The following DYNC1LI1 variants were observed in gnomAD, a reference collection of about 807,000 sequenced individuals.
The protein encoded by DYNC1LI1 is dynein cytoplasmic 1 light intermediate chain 1, also known as cytoplasmic dynein 1 light intermediate chain 1.
Under a neutral mutation model 63.8 loss-of-function variants are expected in DYNC1LI1, and 19 were observed. The ratio of observed to expected loss-of-function variants is 0.30; its 90% confidence interval spans 0.21 to 0.44. The LOEUF (loss-of-function observed/expected upper bound fraction) is 0.44. DYNC1LI1 is among the 20% of genes least tolerant of loss of function. The pLI is 1.00. For missense variants in DYNC1LI1, 565 were observed against 630.2 expected (o/e 0.90, Z 1.11); for synonymous variants, 225 against 232.3 (o/e 0.97, Z 0.28).
intron 4 of DYNC1LI1, among the ~76,000 whole-genome samples, chr3:32,541,677 A>G (rs1697884128): frequency 6.6e-6 from 1 of 152,218 alleles, no homozygotes. Flanking sequence ...GGCCATGCTC[A>G]TTCTGTAACT....
chr3:32,570,723 T>G lies in DYNC1LI1; in HGVS notation c.48A>C (p.Gly16=), dbSNP rs1336924903. ...RVGSFGSSPP[G]LSSTYTGGPL... ...GGCCGCCAGTGTAAGTCGAGGATAA[T>G]CCCGGCGGAGAAGAACCGAAGGAGC... The change falls in exon 1 of 13, where the codon GGA becomes GGC. Residue 16 remains glycine, a synonymous_variant. Transcript: ENST00000273130. The G allele has an allele frequency of 1.2e-6, 2 of 1,608,242 alleles. No homozygotes were observed. Among genetic ancestry groups the G allele is most frequent in the Non-Finnish European group, 1.7e-6 (2 of 1,177,452 alleles).
At chr3:32,536,951 T>G (rs1697782466) in intron 6 of DYNC1LI1, 60 bp downstream of exon 6, 7 of 995,502 alleles carry the variant, frequency 7.0e-6, no homozygotes, top group Non-Finnish European at 1.1e-5. Context: ...TCTTTTAACT[T>G]TAAAAAACTA....
intron 8 of DYNC1LI1, chr3:32,531,178 TC>T (rs1364468200): frequency 6.6e-6 from 1 of 152,224 alleles, no homozygotes; most frequent in Admixed American, 6.5e-5. Flanking sequence ...CCTCTCAATC[TC>T]TTTCCATCTA....
At chr3:32,566,723 A>G in intron 2 of DYNC1LI1, 1 of 440,072 alleles carries the variant, frequency 2.3e-6, no homozygotes, top group Non-Finnish European at 4.5e-6. Context: ...GGGCAACAAG[A>G]GTGAAACTCC....
intron 2 of DYNC1LI1, among the ~76,000 whole-genome samples, chr3:32,550,594 T>C (rs146129411): frequency 2.4e-4 from 36 of 152,364 alleles, no homozygotes; most frequent in African/African-American, 7.2e-4. Flanking sequence ...TCTCTGTGAA[T>C]GTTGTCAATC....
At chr3:32,543,631 C>T (rs1697912637) in intron 4 of DYNC1LI1, among the ~76,000 whole-genome samples, 1 of 150,112 alleles carries the variant, frequency 6.7e-6, no homozygotes, top group African/African-American at 2.4e-5. Context: ...TGGTCTTGAA[C>T]TCCTAACCTC....
chr3:32,558,864 T>C (rs1177789078), intron 2 of DYNC1LI1, among the ~76,000 whole-genome samples: 2 of 150,938 alleles, frequency 1.3e-5, no homozygotes, highest in Non-Finnish European at 3.0e-5. Flanking sequence ...AAAAAAATAA[T>C]AACAACAATT....
At chr3:32,537,663 ACAAT>A (rs922565820) in intron 5 of DYNC1LI1, among the ~76,000 whole-genome samples, 17 of 151,050 alleles carry the variant, frequency 1.1e-4, no homozygotes, top group African/African-American at 3.9e-4. Context: ...TGTCGCCTGT[ACAAT>A]CAATGAGACA....
intron 2 of DYNC1LI1, among the ~76,000 whole-genome samples, chr3:32,549,665 T>C (rs889749978): frequency 6.6e-6 from 1 of 152,132 alleles, no homozygotes; most frequent in Non-Finnish European, 1.5e-5. Context: ...TAAAACTACA[T>C]ATAATATGAC....
Position 32,570,777 on chromosome 3 carries a change from C to T in DYNC1LI1, c.-7G>A, listed in dbSNP as rs1297645946. The T allele has an allele frequency of 1.3e-6, 2 of 1,598,220 alleles. No individual in the cohort carries two copies. Among genetic ancestry groups the T allele is most frequent in the Non-Finnish European group, 1.7e-6 (2 of 1,172,220 alleles). ...CTCGCCCCACGGCCGCCATCTTGGT[C>T]GGGAATCACACCACTCCCGGCAAGA... On this transcript the variant is annotated 5_prime_UTR_variant, in exon 1 of 13. Transcript: ENST00000273130.
At chr3:32,561,810 C>CTA (rs1698198835) in intron 2 of DYNC1LI1, among the ~76,000 whole-genome samples, 1 of 150,154 alleles carries the variant, frequency 6.7e-6, no homozygotes, top group Non-Finnish European at 1.5e-5. Flanking sequence ...TATGGTATAT[C>CTA]TATATATACT....
chr3:32,556,493 A>AGAT (rs1321629538), intron 2 of DYNC1LI1, among the ~76,000 whole-genome samples: 3 of 152,204 alleles, frequency 2.0e-5, no homozygotes, highest in Non-Finnish European at 4.4e-5. Flanking sequence ...TCTTATGTAC[A>AGAT]GATCTTTCAC....
chr3:32,542,553 G>A (rs147439710), intron 4 of DYNC1LI1, among the ~76,000 whole-genome samples: 104 of 151,898 alleles, frequency 6.8e-4, no homozygotes, highest in African/African-American at 2.5e-3. Context: ...GACTACAGGC[G>A]CCCACCACCA....
Position 32,526,913 on chromosome 3 carries a change from A to G in DYNC1LI1, c.1463-5T>C, listed in dbSNP as rs753223036. 1.9e-6 allele frequency: 3 copies of G among 1,594,204 alleles called. No homozygotes were observed. The Admixed American group carries it at 5.4e-5, about 29-fold the overall frequency. On this transcript the variant is annotated splice_region_variant and splice_polypyrimidine_tract_variant and intron_variant, in intron 12 of 12. Transcript: ENST00000273130. The stretch of plus-strand genomic sequence containing the variant: ...CATCTAAGACAGGCTTCTGGCCTAC[A>G]TTGAAGAAAAAGAAAAAAAACAAGA...
intron 2 of DYNC1LI1, among the ~76,000 whole-genome samples, chr3:32,561,002 C>CAAAAAAAAAAAAAAAAAAAAAAAAAAAA (rs59037467): frequency 3.8e-5 from 1 of 26,120 alleles, no homozygotes; most frequent in Non-Finnish European, 7.1e-5. Flanking sequence ...AACTCCGTCT[C>CAAAAAAAAAAAAAAAAAAAAAAAAAAAA]AAAAAAAAAA....
chr3:32,554,863 A>ATT (rs11434502), intron 2 of DYNC1LI1, among the ~76,000 whole-genome samples: 2,842 of 104,588 alleles, frequency 0.027, 53 homozygotes, highest in African/African-American at 0.051. Flanking sequence ...AAATTTTTGA[A>ATT]TTTTTTTTTT....
intron 4 of DYNC1LI1, among the ~76,000 whole-genome samples, chr3:32,541,796 G>C (rs926771738): frequency 6.6e-6 from 1 of 152,148 alleles, no homozygotes; most frequent in African/African-American, 2.4e-5. Flanking sequence ...AATGTATCAA[G>C]AGACTTGAAA....
chr3:32,528,370 C>T, intron 12 of DYNC1LI1, 76 bp downstream of exon 12: 2 of 1,533,618 alleles, frequency 1.3e-6, no homozygotes, highest in East Asian at 2.3e-5. Context: ...GAATTATACA[C>T]TTTACATGAG....
chr3:32,528,961 T>C (rs1697659074), intron 11 of DYNC1LI1, among the ~76,000 whole-genome samples: 2 of 152,106 alleles, frequency 1.3e-5, no homozygotes, highest in Admixed American at 1.3e-4. Flanking sequence ...TGAAAACCGG[T>C]AGAAGTTGCC....
Sources: allele counts gnomAD v4.1 joint callset (sites outside exome capture counted in the v4.1 genomes callset), GRCh38; gene constraint gnomAD v4.1.1; transcripts MANE v1.5; gene names NCBI Gene and HGNC (gene_info 2026-07-23, HGNC 2026-07-21).